Variants in CLCN6 observed in about 807,000 individuals in gnomAD.
CLCN6 encodes the protein H(+)/Cl(-) exchange transporter 6.
CLCN6 carries 70 observed loss-of-function variants against 109.8 expected under a neutral mutation model. That is an observed-to-expected ratio of 0.64 (90% CI 0.53 to 0.78). The LOEUF is 0.78. Among genes scored for constraint, CLCN6 ranks in the 30% least tolerant of loss-of-function variants. The probability of loss-of-function intolerance (pLI) is 0.00; values close to 1 mark genes in which losing one functional copy is unlikely to be tolerated. For missense variants in CLCN6, 984 were observed against 1,142.3 expected (o/e 0.86, Z 2.00); for synonymous variants, 444 against 447.8 (o/e 0.99, Z 0.11).
intron 21 of CLCN6, 23 bp downstream of exon 21, chr1:11,838,465 G>A (rs1260438481): frequency 6.2e-7 from 1 of 1,611,928 alleles, no homozygotes; most frequent in African/African-American, 1.3e-5. Context: ...GCCCCGGCCT[G>A]TCCCATGCGG....
intron 3 of CLCN6, 69 bp from the exon 4 acceptor site, chr1:11,816,546 C>A: frequency 1.4e-6 from 2 of 1,432,046 alleles, no homozygotes; most frequent in Non-Finnish European, 1.9e-6. Context: ...ACTGGTTGGC[C>A]AAGATGTATT....
intron 7 of CLCN6, among the ~76,000 whole-genome samples, 188 bp from the exon 8 acceptor site, chr1:11,824,298 G>A (rs917659245): frequency 6.6e-6 from 1 of 152,200 alleles, no homozygotes; most frequent in Non-Finnish European, 1.5e-5. Context: ...AATTTAGAAT[G>A]TAGAGTGTTT....
intron 4 of CLCN6, among the ~76,000 whole-genome samples, chr1:11,818,568 T>C (rs974070395): frequency 6.6e-5 from 10 of 152,214 alleles, no homozygotes; most frequent in Non-Finnish European, 8.8e-5. Context: ...CTCTTGTCCA[T>C]TGATGTGTGG....
chr1:11,816,642 T>C lies in CLCN6; in HGVS notation c.241T>C (p.Trp81Arg). Residue 81 changes from tryptophan to arginine, a missense_variant, in exon 4 of 23, where the codon TGG becomes CGG. Transcript: ENST00000346436. ...KKGRRYEAVK[W>R]MVVFAIGVCT... The stretch of plus-strand genomic sequence containing the variant: ...AGGTCGAAGATATGAGGCGGTGAAG[T>C]GGATGGTGGTGTTTGCCATTGGAGT... 6.2e-7 allele frequency: 1 copy of C among 1,613,086 alleles called. No homozygotes were observed. The highest frequency in any genetic ancestry group is 1.1e-5 in the South Asian group (1 of 90,812).
In CLCN6 at chr1:11,826,053, C is replaced by G. The variant is rs565667343; in HGVS notation, c.649-103C>G. The G allele has an allele frequency of 4.0e-4, 342 of 858,086 alleles. 1 individual carries two copies. Among genetic ancestry groups the G allele is most frequent in the Non-Finnish European group, 5.8e-4 (307 of 532,252 alleles). The allele number at this position is 858,086 out of a possible 1,614,324, so 53.2% of individuals were successfully genotyped here. A position where few individuals can be genotyped will look rare whatever the true frequency, so the allele number is the denominator to read the frequency against. ...TCCCATAGTTTCAGTCCTAGGCTGC[C>G]CCTGACCTGTGTTCTTTTTTTTTTT... On this transcript the variant is annotated intron_variant, in intron 8 of 22. Coordinates refer to ENST00000346436, the MANE Select transcript of CLCN6 (RefSeq NM_001286.5).
intron 20 of CLCN6, 67 bp from the exon 21 acceptor site, chr1:11,838,268 G>T: frequency 7.2e-7 from 1 of 1,396,060 alleles, no homozygotes. Flanking sequence ...TCAAGGGGAG[G>T]GGCTCTAAGG....
chr1:11,807,924 T>C (rs1644542427), intron 2 of CLCN6, among the ~76,000 whole-genome samples: 1 of 152,216 alleles, frequency 6.6e-6, no homozygotes, highest in Admixed American at 6.5e-5. Context: ...TTATTATACT[T>C]TTTGTATCAT....
intron 13 of CLCN6, among the ~76,000 whole-genome samples, chr1:11,830,549 A>G (rs1231483763): frequency 6.6e-6 from 1 of 151,824 alleles, no homozygotes; most frequent in Non-Finnish European, 1.5e-5. Context: ...ACCATTTTAT[A>G]TCTGGGACTT....
chr1:11,838,750 T>A (rs769727223), intron 22 of CLCN6, 90 bp downstream of exon 22: 4 of 1,579,856 alleles, frequency 2.5e-6, no homozygotes, highest in Non-Finnish European at 2.6e-6. Context: ...ACCAGAAACG[T>A]AGGCATCCCA....
intron 13 of CLCN6, among the ~76,000 whole-genome samples, chr1:11,833,170 C>A (rs939544082): frequency 6.6e-6 from 1 of 152,128 alleles, no homozygotes; most frequent in African/African-American, 2.4e-5. Context: ...CCTCATATTC[C>A]CCCAGTCCTA....
chr1:11,810,566 G>A (rs888084856), intron 2 of CLCN6, among the ~76,000 whole-genome samples: 3 of 152,246 alleles, frequency 2.0e-5, no homozygotes, highest in African/African-American at 7.2e-5. Flanking sequence ...CATTTTGCTC[G>A]TAACCCCCTG....
At chr1:11,824,590 G>A in intron 8 of CLCN6, 37 bp downstream of exon 8, 2 of 1,579,812 alleles carry the variant, frequency 1.3e-6, no homozygotes, top group Non-Finnish European at 1.7e-6. Flanking sequence ...CTCTGGGCAG[G>A]CCTAGTGGGA....
chr1:11,817,743 A>T (rs752811131), intron 4 of CLCN6, among the ~76,000 whole-genome samples: 1 of 152,084 alleles, frequency 6.6e-6, no homozygotes, highest in Non-Finnish European at 1.5e-5. Context: ...TTAATTTGAC[A>T]TGATATGCCT....
rs201225126 is a variant in CLCN6, at chr1:11,808,851, C to CT, written c.147+1670dup. Among the ~76,000 whole-genome samples, 659 of 150,948 alleles carry CT rather than the reference C, an allele frequency of 4.4e-3. 6 individuals carry two copies. Among genetic ancestry groups the CT allele is most frequent in the African/African-American group, 0.015 (601 of 41,146 alleles). On this transcript the variant is annotated intron_variant, in intron 2 of 22. Coordinates refer to ENST00000346436, the MANE Select transcript of CLCN6 (RefSeq NM_001286.5). ...TCCACTGCTGTGTTTTGTTCTATTT[C>CT]TTTTTTTTTCTTTTTTTTAAATTTG...
Position 11,822,748 on chromosome 1 carries a change from C to A in CLCN6, c.400C>A (p.Leu134Met), listed in dbSNP as rs1290484565. The stretch of plus-strand genomic sequence containing the variant: ...CCTCGCTCTGTCTCTCCTTGAACTC[C>A]TGGGTTTTAACCTCACCTTTGTCTT... ...GCLALSLLEL[L>M]GFNLTFVFLA... Residue 134 changes from leucine to methionine, a missense_variant, in exon 6 of 23, where the codon CTG (leucine) becomes ATG (methionine). Coordinates refer to ENST00000346436, the MANE Select transcript of CLCN6 (RefSeq NM_001286.5). The A allele has an allele frequency of 1.9e-6, 3 of 1,614,116 alleles. No individual in the cohort carries two copies. Among genetic ancestry groups the A allele is most frequent in the Non-Finnish European group, 2.5e-6 (3 of 1,179,990 alleles).
intron 21 of CLCN6, 28 bp from the exon 22 acceptor site, chr1:11,838,507 C>T (rs1644978571): frequency 6.2e-7 from 1 of 1,606,598 alleles, no homozygotes; most frequent in East Asian, 2.2e-5. Flanking sequence ...GCGTCTCAGG[C>T]AGTCAGTGAC....
intron 7 of CLCN6, among the ~76,000 whole-genome samples, chr1:11,824,040 G>A (rs1192328221): frequency 6.6e-6 from 1 of 152,192 alleles, no homozygotes; most frequent in Non-Finnish European, 1.5e-5. Context: ...TTCAGTTTTG[G>A]GATTTGGAAT....
rs566642673 is a variant in CLCN6, at chr1:11,837,570, G to A, written c.2295+71G>A. 86 of 1,509,330 alleles carry A rather than the reference G, an allele frequency of 5.7e-5. 1 individual carries two copies. The highest frequency in any genetic ancestry group is 7.4e-5 in the Non-Finnish European group (81 of 1,101,936). The allele number at this position is 1,509,330 out of a possible 1,614,324, so 93.5% of individuals were successfully genotyped here. A position where few individuals can be genotyped will look rare whatever the true frequency, so the allele number is the denominator to read the frequency against. ...GCTCGAGGGGTTGGGCGCTGCCGGCGGGCCGTGAACAGTGCCATAGGGAAA... is the reference window on the plus strand; with the variant it reads ...GCTCGAGGGGTTGGGCGCTGCCGGCAGGCCGTGAACAGTGCCATAGGGAAA... On this transcript the variant is annotated intron_variant, in intron 20 of 22. Transcript: ENST00000346436.
chr1:11,823,845 C>T lies in CLCN6; in HGVS notation c.580+12C>T. 1 of 1,613,986 alleles carries T rather than the reference C, an allele frequency of 6.2e-7. No homozygotes were observed. Among genetic ancestry groups the T allele is most frequent in the Non-Finnish European group, 8.5e-7 (1 of 1,179,898 alleles). On this transcript the variant is annotated intron_variant, in intron 7 of 22. Transcript: ENST00000346436. Reference sequence around the variant, plus strand: ...CAGTGTGGCTGGAGGTAAGAAGGGTCCAACTTGTATCCTTCAAATACTCAA... The same window carrying T: ...CAGTGTGGCTGGAGGTAAGAAGGGTTCAACTTGTATCCTTCAAATACTCAA...
Sources: allele counts gnomAD v4.1 joint callset (sites outside exome capture counted in the v4.1 genomes callset), GRCh38; gene constraint gnomAD v4.1.1; transcripts MANE v1.5; gene names NCBI Gene and HGNC (gene_info 2026-07-23, HGNC 2026-07-21).